The following GRIA3 variants were observed in gnomAD, a reference collection of about 807,000 sequenced individuals.
The protein encoded by GRIA3 is glutamate ionotropic receptor AMPA type subunit 3.
In GRIA3, 3 loss-of-function variants were observed where a neutral mutation model predicts 63.0. The ratio of observed to expected loss-of-function variants is 0.05; its 90% CI spans 0.02 to 0.12. The LOEUF is 0.12. Among genes scored for constraint, GRIA3 ranks in the 10% least tolerant of loss-of-function variants. The probability of loss-of-function intolerance (pLI) is 1.00; values close to 1 mark genes in which losing one functional copy is unlikely to be tolerated. For synonymous variants in GRIA3, 274 were observed against 257.9 expected (o/e 1.06, Z -0.60); for missense variants, 347 against 700.9 (o/e 0.50, Z 5.70).
intron 2 of GRIA3, among the ~76,000 whole-genome samples, chrX:123,234,190 C>A (rs2044290655): frequency 9.0e-6 from 1 of 111,133 alleles, no homozygotes; most frequent in South Asian, 3.9e-4. Flanking sequence ...GGATCTGCCC[C>A]AGTAGTGGAA....
Position 123,463,652 on chromosome X carries a change from GAA to G in GRIA3, c.2077-1211_2077-1210del, listed in dbSNP as rs1290522161. On this transcript the variant is annotated intron_variant, in intron 12 of 15. Transcript: ENST00000620443. Reference sequence around the variant, plus strand: ...AGAAAGAAAGAAAGAAAGAAAGAAAGAAAGAAAGAAAGAAAGAAAGAAAGAAA... The same window carrying G: ...AGAAAGAAAGAAAGAAAGAAAGAAAGAGAAAGAAAGAAAGAAAGAAAGAAA... 7.8e-4 allele frequency among the ~76,000 whole-genome samples: 38 copies of G among 48,710 alleles called. 4 individuals carry two copies. Among genetic ancestry groups the G allele is most frequent in the African/African-American group, 3.5e-3 (34 of 9,710 alleles). 42.3% of individuals were successfully genotyped at this position (48,710 alleles called of 115,157 possible).
At chrX:123,203,132 G>A (rs186992155) in intron 2 of GRIA3, among the ~76,000 whole-genome samples, 31 of 112,106 alleles carry the variant, frequency 2.8e-4, no homozygotes, top group African/African-American at 9.1e-4. Flanking sequence ...GACAGCCTCA[G>A]TGAATGAGTC....
chrX:123,285,595 A>C (rs1249689283), intron 3 of GRIA3, among the ~76,000 whole-genome samples: 1 of 105,273 alleles, frequency 9.5e-6, no homozygotes, highest in Non-Finnish European at 2.0e-5. Flanking sequence ...AAAAAAAAAA[A>C]AAAAAAAGCA....
At chrX:123,453,115 A>G (rs2045742280) in intron 12 of GRIA3, among the ~76,000 whole-genome samples, 1 of 112,061 alleles carries the variant, frequency 8.9e-6, no homozygotes, top group Admixed American at 9.4e-5. Context: ...GACACTATTC[A>G]CAATAGCAAA....
chrX:123,289,684 C>T (rs968132406), intron 3 of GRIA3, among the ~76,000 whole-genome samples: 1 of 109,757 alleles, frequency 9.1e-6, no homozygotes, highest in African/African-American at 3.3e-5. Context: ...CCCTTTCCTG[C>T]GTCTTCATGT....
chrX:123,345,945 G>T (rs756749602), intron 4 of GRIA3, among the ~76,000 whole-genome samples: 33 of 111,722 alleles, frequency 3.0e-4, no homozygotes, highest in Middle Eastern at 4.6e-3. Flanking sequence ...GGAAGGGAGA[G>T]CATAACTAAT....
intron 3 of GRIA3, among the ~76,000 whole-genome samples, chrX:123,301,751 G>T (rs776618833): frequency 9.0e-6 from 1 of 111,441 alleles, no homozygotes; most frequent in Non-Finnish European, 1.9e-5. Context: ...AATTTAAAAT[G>T]TTCCTGAAGA....
At chrX:123,457,521 G>A (rs1405254550) in intron 12 of GRIA3, among the ~76,000 whole-genome samples, 1 of 111,814 alleles carries the variant, frequency 8.9e-6, no homozygotes, top group African/African-American at 3.3e-5. Context: ...CATAAAGCTG[G>A]CCCATTTTCC....
intron 13 of GRIA3, among the ~76,000 whole-genome samples, chrX:123,476,443 G>A (rs753797563): frequency 1.5e-3 from 163 of 111,860 alleles, no homozygotes; most frequent in Non-Finnish European, 2.7e-3. Context: ...ATAAGGTACA[G>A]TAAGAAAGAA....
chrX:123,416,585 A>G (rs1200623562), intron 10 of GRIA3, among the ~76,000 whole-genome samples: 1 of 112,861 alleles, frequency 8.9e-6, no homozygotes, highest in African/African-American at 3.2e-5. Flanking sequence ...GCCTAAGTTA[A>G]TTGTGCAGTG....
chrX:123,430,824 A>C (rs2045613732), intron 12 of GRIA3, among the ~76,000 whole-genome samples: 1 of 110,454 alleles, frequency 9.1e-6, no homozygotes, highest in Non-Finnish European at 1.9e-5. Flanking sequence ...CTCTACTAAA[A>C]ATACAAAAAT....
Position 123,248,581 on chromosome X carries a change from T to C in GRIA3, c.269-4722T>C, listed in dbSNP as rs768588390. Among the ~76,000 whole-genome samples the C allele has an allele frequency of 1.8e-3, 197 of 109,456 alleles. 1 individual carries two copies. Among genetic ancestry groups the C allele is most frequent in the Non-Finnish European group, 3.4e-3 (178 of 52,481 alleles). On this transcript the variant is annotated intron_variant, in intron 2 of 15. Transcript: ENST00000620443. ...CGGGTGGATCACCTGAGGTCGGGAGTTCGAGACCAGCCTGACCAACATGGA... is the reference window on the plus strand; with the variant it reads ...CGGGTGGATCACCTGAGGTCGGGAGCTCGAGACCAGCCTGACCAACATGGA...
At chrX:123,240,600 G>A (rs2044324686) in intron 2 of GRIA3, among the ~76,000 whole-genome samples, 1 of 111,479 alleles carries the variant, frequency 9.0e-6, no homozygotes, top group Admixed American at 9.5e-5. Context: ...CCTAGGGTCG[G>A]ATATTAATTC....
intron 3 of GRIA3, among the ~76,000 whole-genome samples, chrX:123,299,111 T>G (rs2044703987): frequency 9.0e-6 from 1 of 111,703 alleles, no homozygotes; most frequent in Non-Finnish European, 1.9e-5. Flanking sequence ...ACCAGTACCA[T>G]GCTGTTTTGG....
intron 10 of GRIA3, among the ~76,000 whole-genome samples, chrX:123,414,176 G>A (rs1473592934): frequency 3.6e-5 from 4 of 111,855 alleles, no homozygotes; most frequent in Non-Finnish European, 7.5e-5. Context: ...GTTAGGGAGG[G>A]ATGTAATGTG....
intron 14 of GRIA3, among the ~76,000 whole-genome samples, chrX:123,481,952 T>C (rs137995687): frequency 3.7e-4 from 41 of 111,448 alleles, no homozygotes; most frequent in African/African-American, 1.3e-3. Flanking sequence ...TTCCCTGGAG[T>C]AAAAGTTAAA....
intron 4 of GRIA3, among the ~76,000 whole-genome samples, chrX:123,332,189 A>G (rs2044945877): frequency 9.1e-6 from 1 of 110,345 alleles, no homozygotes; most frequent in African/African-American, 3.3e-5. Flanking sequence ...TTCCTGTGAT[A>G]TAACACTGGG....
intron 5 of GRIA3, among the ~76,000 whole-genome samples, chrX:123,357,531 A>T (rs1341213595): frequency 9.3e-6 from 1 of 108,062 alleles, no homozygotes; most frequent in Non-Finnish European, 1.9e-5. Flanking sequence ...CACCAGGATA[A>T]ATAGGGTACC....
At chrX:123,187,354 G>A (rs12007747) in intron 2 of GRIA3, among the ~76,000 whole-genome samples, 4,873 of 111,949 alleles carry the variant, frequency 0.044, 257 homozygotes, top group Admixed American at 0.2. Context: ...TTATATGAAC[G>A]TGTTCTGAGA....
Sources: gnomAD v4.1 joint callset for allele counts (sites outside exome capture counted in the v4.1 genomes callset) on GRCh38, gnomAD v4.1.1 for gene constraint, MANE v1.5 for transcripts, NCBI Gene and HGNC (gene_info 2026-07-23, HGNC 2026-07-21) for gene names.